The following ASTN2 variants were observed in gnomAD, a reference collection of about 807,000 sequenced individuals.
ASTN2 encodes the protein astrotactin-2.
Under a neutral mutation model 139.8 loss-of-function variants are expected in ASTN2, and 54 were observed. The observed-to-expected ratio is 0.39, with a 90% CI of 0.31 to 0.48. ASTN2 has a LOEUF of 0.48. ASTN2 is among the 20% of genes least tolerant of loss of function. ASTN2 has a pLI of 0.95. For missense variants in ASTN2, 1,565 were observed against 1,725.1 expected (o/e 0.91, Z 1.64); for synonymous variants, 756 against 719.5 (o/e 1.05, Z -0.81).
At chr9:117,286,124 T>C (rs1587912377) in intron 2 of ASTN2, among the ~76,000 whole-genome samples, 2 of 152,288 alleles carry the variant, frequency 1.3e-5, no homozygotes, top group Middle Eastern at 3.4e-3. Flanking sequence ...TAGAATTATA[T>C]GACCAACCCT....
intron 11 of ASTN2, among the ~76,000 whole-genome samples, chr9:116,844,774 T>C (rs1832377428): frequency 6.6e-6 from 1 of 152,204 alleles, no homozygotes; most frequent in South Asian, 2.1e-4. Flanking sequence ...TGCTTAGTTT[T>C]GGCTTGAGTT....
intron 11 of ASTN2, among the ~76,000 whole-genome samples, chr9:116,835,180 T>G (rs2132291428): frequency 6.6e-6 from 1 of 152,320 alleles, no homozygotes; most frequent in African/African-American, 2.4e-5. Flanking sequence ...TCTGATTTTT[T>G]TCTTGCCCAA....
At position 117,134,000 on chromosome 9, in the gene ASTN2, T is replaced by C. The variant is rs375781143; in HGVS notation, c.1168+7326A>G. 7.9e-5 allele frequency among the ~76,000 whole-genome samples: 12 copies of C among 152,032 alleles called. No individual in the cohort carries two copies. The South Asian group carries it at 2.3e-3, about 29-fold the overall frequency. ...TTTAAGTGGAACCTCATTTTGATGA[T>C]GCAATGTCAAAACTTCCTTTGTCAA... On this transcript the variant is annotated intron_variant, in intron 4 of 22. Coordinates refer to ENST00000313400, the MANE Select transcript of ASTN2 (RefSeq NM_001365068.1).
At chr9:117,086,348 G>T (rs950504355) in intron 5 of ASTN2, among the ~76,000 whole-genome samples, 3 of 152,184 alleles carry the variant, frequency 2.0e-5, no homozygotes, top group African/African-American at 7.2e-5. Context: ...GCCGAGGCAG[G>T]CGGATCACAA....
intron 19 of ASTN2, among the ~76,000 whole-genome samples, chr9:116,558,460 G>A (rs1182462677): frequency 6.6e-6 from 1 of 152,020 alleles, no homozygotes; most frequent in African/African-American, 2.4e-5. Context: ...TACATAACAG[G>A]GTTCCCTTTT....
intron 13 of ASTN2, among the ~76,000 whole-genome samples, chr9:116,738,114 C>T (rs1324282853): frequency 6.6e-6 from 1 of 150,862 alleles, no homozygotes; most frequent in Non-Finnish European, 1.5e-5. Flanking sequence ...ATGGCGTGAA[C>T]CCGGGAGGCG....
intron 19 of ASTN2, among the ~76,000 whole-genome samples, chr9:116,541,869 G>A (rs1035373127): frequency 3.9e-5 from 6 of 152,116 alleles, no homozygotes; most frequent in African/African-American, 1.4e-4. Flanking sequence ...GATAATTGTA[G>A]ATTCATATGC....
chr9:117,051,564 G>C (rs1838912721), intron 5 of ASTN2, among the ~76,000 whole-genome samples: 1 of 152,164 alleles, frequency 6.6e-6, no homozygotes, highest in Non-Finnish European at 1.5e-5. Context: ...CTGTCCTCAA[G>C]AGTTCTAAAA....
chr9:116,973,934 A>G (rs1836277212), intron 10 of ASTN2, among the ~76,000 whole-genome samples: 1 of 152,234 alleles, frequency 6.6e-6, no homozygotes, highest in African/African-American at 2.4e-5. Context: ...ACAAGGTGAG[A>G]GTAAAAACAT....
chr9:116,889,930 A>AAAAAATG (rs1833721072), intron 10 of ASTN2, among the ~76,000 whole-genome samples: 1 of 152,254 alleles, frequency 6.6e-6, no homozygotes, highest in African/African-American at 2.4e-5. Context: ...GACTGTCTCA[A>AAAAAATG]AAAAATGAAA....
At chr9:117,354,324 C>T (rs1037488731) in intron 1 of ASTN2, among the ~76,000 whole-genome samples, 1 of 151,878 alleles carries the variant, frequency 6.6e-6, no homozygotes, top group Non-Finnish European at 1.5e-5. Flanking sequence ...TCTCTTTTCT[C>T]ATTGCCCCCT....
chr9:116,955,019 G>A (rs142793215), intron 10 of ASTN2, among the ~76,000 whole-genome samples: 6 of 152,206 alleles, frequency 3.9e-5, no homozygotes, highest in Non-Finnish European at 5.9e-5. Flanking sequence ...GCAAGACCTC[G>A]TGCCTTCCAC....
At chr9:117,052,837 T>C (rs909203939) in intron 5 of ASTN2, among the ~76,000 whole-genome samples, 4 of 152,238 alleles carry the variant, frequency 2.6e-5, no homozygotes, top group Non-Finnish European at 5.9e-5. Context: ...TAGTAAGCTG[T>C]AGAGCTGGTC....
intron 10 of ASTN2, among the ~76,000 whole-genome samples, chr9:116,963,989 C>A (rs887428571): frequency 1.3e-5 from 2 of 152,164 alleles, no homozygotes; most frequent in African/African-American, 2.4e-5. Context: ...ACACTAGCCA[C>A]AGGGCACTGC....
intron 19 of ASTN2, among the ~76,000 whole-genome samples, chr9:116,603,719 T>C (rs1855033347): frequency 6.6e-6 from 1 of 152,194 alleles, no homozygotes; most frequent in Non-Finnish European, 1.5e-5. Context: ...GAAAGGTAGG[T>C]ACCAACCTAG....
intron 13 of ASTN2, among the ~76,000 whole-genome samples, chr9:116,766,441 AACAC>A (rs1203466877): frequency 6.6e-6 from 1 of 151,580 alleles, no homozygotes; most frequent in East Asian, 1.9e-4. Context: ...CTCACACATA[AACAC>A]ACACATTCAT....
chr9:116,593,442 T>C (rs1035306573), intron 19 of ASTN2, among the ~76,000 whole-genome samples: 1 of 152,242 alleles, frequency 6.6e-6, no homozygotes, highest in Admixed American at 6.5e-5. Flanking sequence ...GAAGAGAATG[T>C]CTGAAGGGAG....
chr9:116,834,694 T>C (rs1727214468), intron 11 of ASTN2, among the ~76,000 whole-genome samples: 5 of 152,254 alleles, frequency 3.3e-5, no homozygotes, highest in African/African-American at 9.6e-5. Context: ...GCAGACAGTA[T>C]ATAATTAGGT....
At chr9:116,511,183 A>G (rs1002626569) in intron 19 of ASTN2, among the ~76,000 whole-genome samples, 3 of 152,176 alleles carry the variant, frequency 2.0e-5, no homozygotes, top group African/African-American at 7.2e-5. Context: ...TCCGATCAAT[A>G]CCTAACTTAT....
Sources: allele counts gnomAD v4.1 joint callset (sites outside exome capture counted in the v4.1 genomes callset), GRCh38; gene constraint gnomAD v4.1.1; transcripts MANE v1.5; gene names NCBI Gene and HGNC (gene_info 2026-07-23, HGNC 2026-07-21).